TCAIM: variants seen among roughly 807,000 people sequenced by gnomAD.
The protein encoded by TCAIM is T-cell activation inhibitor, mitochondrial.
In TCAIM, 36 loss-of-function variants were observed where a neutral mutation model predicts 58.6. The observed-to-expected ratio is 0.61, with a 90% CI of 0.47 to 0.81. TCAIM has a LOEUF of 0.81. Ranked by LOEUF, TCAIM falls within the 30% of genes least tolerant of loss-of-function variation. TCAIM has a pLI of 0.00. For synonymous variants in TCAIM, 172 were observed against 193.6 expected (o/e 0.89, Z 0.93); for missense variants, 466 against 579.6 (o/e 0.80, Z 2.01).
At chr3:44,349,619 A>G (rs1223414254) in intron 1 of TCAIM, among the ~76,000 whole-genome samples, 1 of 152,124 alleles carries the variant, frequency 6.6e-6, no homozygotes, top group Non-Finnish European at 1.5e-5. Context: ...GTGATAACAC[A>G]CCTCTGAAAT....
chr3:44,378,306 G>A (rs1027619015), intron 5 of TCAIM, among the ~76,000 whole-genome samples: 1 of 152,042 alleles, frequency 6.6e-6, no homozygotes, highest in South Asian at 2.1e-4. Flanking sequence ...CTTGAACCAA[G>A]GAGGTGGAGG....
chr3:44,342,578 C>A (rs1307549855), intron 1 of TCAIM, among the ~76,000 whole-genome samples: 1 of 151,936 alleles, frequency 6.6e-6, no homozygotes, highest in African/African-American at 2.4e-5. Flanking sequence ...TTCGTTTATC[C>A]TAGCACATTG....
chr3:44,376,055 C>T (rs1701560518), intron 5 of TCAIM, among the ~76,000 whole-genome samples: 1 of 152,168 alleles, frequency 6.6e-6, no homozygotes. Context: ...CATGCTAAGT[C>T]AAAGAAGCTG....
At chr3:44,404,844 C>T (rs1575284186) in intron 10 of TCAIM, among the ~76,000 whole-genome samples, 1 of 147,038 alleles carries the variant, frequency 6.8e-6, no homozygotes, top group African/African-American at 2.5e-5. Context: ...TACTTTTGCA[C>T]CAACCTAATA....
chr3:44,361,523 GTT>G lies in TCAIM; in HGVS notation c.319+10_319+11del. On this transcript the variant is annotated splice_donor_region_variant and intron_variant, in intron 4 of 10. Transcript: ENST00000342649. ...AGGAACCTTTTAGTACTTCCGGTAC[GTT>G]TTTTATTTCTGGTGTGTCCCTTGCA... 1 of 1,584,652 alleles carries G rather than the reference GTT, an allele frequency of 6.3e-7. No individual in the cohort carries two copies. Among genetic ancestry groups the G allele is most frequent in the African/African-American group, 1.4e-5 (1 of 73,380 alleles).
chr3:44,384,987 C>G (rs911645267), intron 5 of TCAIM, among the ~76,000 whole-genome samples: 2 of 152,188 alleles, frequency 1.3e-5, no homozygotes, highest in African/African-American at 4.8e-5. Flanking sequence ...CAGATGAGCT[C>G]AGAACTGTGG....
chr3:44,358,551 A>G (rs1701242384), intron 3 of TCAIM: 3 of 358,962 alleles, frequency 8.4e-6, no homozygotes, highest in African/African-American at 4.3e-5. Context: ...CTTACATAGC[A>G]CTTACATTAT....
At position 44,338,767 on chromosome 3, in the gene TCAIM, T is replaced by G. The variant is rs1700784059; in HGVS notation, c.-112T>G. On this transcript the variant is annotated 5_prime_UTR_variant, in exon 1 of 11. Transcript: ENST00000342649. The stretch of plus-strand genomic sequence containing the variant: ...CTGCGGGCGGAGCGACTGTCCTCCC[T>G]TCTGGTGTACTGGGTGGGAGGTGGA... 6.6e-6 allele frequency: 1 copy of G among 152,308 alleles called. No individual in the cohort carries two copies. The highest frequency in any genetic ancestry group is 2.4e-5 in the African/African-American group (1 of 41,462). The allele number at this position is 152,308 out of a possible 1,614,324, so 9.4% of individuals were successfully genotyped here.
upstream of TCAIM, chr3:44,338,142 T>A (rs1700755182): frequency 6.6e-6 from 1 of 152,516 alleles, no homozygotes; most frequent in Non-Finnish European, 1.5e-5. Flanking sequence ...CCCTTTCCCC[T>A]TCTTCCCCAA....
intron 1 of TCAIM, among the ~76,000 whole-genome samples, chr3:44,343,499 A>G (rs7636230): frequency 0.35 from 53,384 of 152,080 alleles, 10,239 homozygotes; most frequent in African/African-American, 0.47. Flanking sequence ...CACATAACCA[A>G]TATGAAAAAT....
intron 5 of TCAIM, among the ~76,000 whole-genome samples, chr3:44,378,640 A>G (rs548650401): frequency 1.1e-4 from 17 of 151,972 alleles, no homozygotes; most frequent in South Asian, 6.2e-4. Flanking sequence ...GTGAAACCCC[A>G]TGCTCCTAAA....
chr3:44,400,774 A>C (rs1702010663), intron 9 of TCAIM, 187 bp downstream of exon 9: 1 of 604,704 alleles, frequency 1.7e-6, no homozygotes, highest in Non-Finnish European at 2.9e-6. Flanking sequence ...TGAAGGATTT[A>C]ATGTCTAGAA....
rs553238978 is a variant in TCAIM, at chr3:44,398,150, G to A, written c.885+1316G>A. 2.1e-3 allele frequency among the ~76,000 whole-genome samples: 320 copies of A among 152,228 alleles called. 1 individual carries two copies. The highest frequency in any genetic ancestry group is 2.6e-3 in the Non-Finnish European group (179 of 68,020). The stretch of plus-strand genomic sequence containing the variant: ...ACATAAAAACATGTTTATTGGCCGG[G>A]CACTGTGGCTCACACCTGTAATCCC... On this transcript the variant is annotated intron_variant, in intron 8 of 10. Transcript: ENST00000342649.
At chr3:44,367,731 C>G in intron 5 of TCAIM, 23 bp downstream of exon 5, 1 of 1,580,106 alleles carries the variant, frequency 6.3e-7, no homozygotes, top group South Asian at 1.1e-5. Flanking sequence ...TTTTATCTAA[C>G]TAAACTGTAT....
At chr3:44,366,417 A>G (rs1027264138) in intron 4 of TCAIM, among the ~76,000 whole-genome samples, 2 of 143,912 alleles carry the variant, frequency 1.4e-5, no homozygotes, top group African/African-American at 5.3e-5. Context: ...CCTCCCGAGT[A>G]CTTGGGATTA....
At chr3:44,375,242 G>T (rs552943096) in intron 5 of TCAIM, among the ~76,000 whole-genome samples, 279 of 152,156 alleles carry the variant, frequency 1.8e-3, no homozygotes, top group African/African-American at 6.4e-3. Context: ...TAATATAAAG[G>T]AATACTAGAG....
chr3:44,398,735 C>T (rs1357455657), intron 8 of TCAIM, among the ~76,000 whole-genome samples: 4 of 152,124 alleles, frequency 2.6e-5, no homozygotes, highest in Non-Finnish European at 5.9e-5. Context: ...AACACCTGTA[C>T]ATGAATGTTT....
intron 3 of TCAIM, chr3:44,359,228 A>T (rs965387118): frequency 3.0e-6 from 1 of 334,120 alleles, no homozygotes; most frequent in African/African-American, 2.2e-5. Flanking sequence ...AATTTAAAAA[A>T]CAAACAACAA....
intron 1 of TCAIM, chr3:44,341,430 A>G (rs1269343443): frequency 2.6e-5 from 4 of 152,114 alleles, no homozygotes; most frequent in Non-Finnish European, 5.9e-5. Flanking sequence ...ACAACTAGCT[A>G]TTTTTTAATT....
Sources: gnomAD v4.1 joint callset for allele counts (sites outside exome capture counted in the v4.1 genomes callset) on GRCh38, gnomAD v4.1.1 for gene constraint, MANE v1.5 for transcripts, NCBI Gene and HGNC (gene_info 2026-07-23, HGNC 2026-07-21) for gene names.